Variants in NEGR1 observed in about 807,000 individuals in gnomAD.
NEGR1 encodes neuronal growth regulator 1.
A neutral mutation model predicts 40.9 loss-of-function variants in NEGR1; 10 were observed. The ratio of observed to expected loss-of-function variants is 0.24; its 90% CI spans 0.15 to 0.42. The LOEUF is 0.42. NEGR1 is among the 10% of genes least tolerant of loss of function. NEGR1 has a pLI of 1.00. For synonymous variants in NEGR1, 185 were observed against 166.8 expected, an observed-to-expected ratio of 1.11 and a Z score of -0.84; for missense variants, 352 against 438.9, an observed-to-expected ratio of 0.80 and a Z score of 1.77.
intron 2 of NEGR1, among the ~76,000 whole-genome samples, chr1:71,897,726 A>T (rs1191759353): frequency 1.3e-5 from 2 of 152,130 alleles, no homozygotes; most frequent in African/African-American, 4.8e-5. Flanking sequence ...ATAACAATTT[A>T]AGGGTTTTTT....
chr1:71,692,825 A>T (rs998540875), intron 4 of NEGR1, among the ~76,000 whole-genome samples: 1 of 151,848 alleles, frequency 6.6e-6, no homozygotes, highest in Admixed American at 6.6e-5. Context: ...TGGATAAAAA[A>T]CTTACTTCAC....
At chr1:71,835,291 G>T (rs984796473) in intron 2 of NEGR1, among the ~76,000 whole-genome samples, 1 of 152,062 alleles carries the variant, frequency 6.6e-6, no homozygotes, top group Non-Finnish European at 1.5e-5. Flanking sequence ...GCCAAGATTT[G>T]CAGAATGGGC....
chr1:72,126,060 G>A (rs1386427079), intron 1 of NEGR1, among the ~76,000 whole-genome samples: 3 of 149,500 alleles, frequency 2.0e-5, no homozygotes, highest in South Asian at 2.1e-4. Context: ...ACCATGTGAC[G>A]TGATTCCCTT....
intron 2 of NEGR1, among the ~76,000 whole-genome samples, chr1:71,922,516 G>C (rs1232412315): frequency 6.6e-6 from 1 of 152,128 alleles, no homozygotes; most frequent in Non-Finnish European, 1.5e-5. Context: ...CTTAACATTG[G>C]TATAAATTTG....
intron 4 of NEGR1, among the ~76,000 whole-genome samples, chr1:71,670,697 A>G (rs1232364293): frequency 6.6e-6 from 1 of 151,752 alleles, no homozygotes; most frequent in Admixed American, 6.6e-5. Context: ...CTTCACCAGT[A>G]TTTTCTTTCT....
chr1:71,742,766 G>T (rs1291790803), intron 3 of NEGR1, among the ~76,000 whole-genome samples: 2 of 152,274 alleles, frequency 1.3e-5, no homozygotes, highest in African/African-American at 4.8e-5. Flanking sequence ...AGACTTTAGT[G>T]TTGATGTTGG....
intron 6 of NEGR1, among the ~76,000 whole-genome samples, chr1:71,415,605 C>G (rs1273460055): frequency 1.3e-5 from 2 of 152,132 alleles, no homozygotes; most frequent in African/African-American, 4.8e-5. Flanking sequence ...AATAAGGAAG[C>G]AATCATCCAA....
At chr1:72,222,166 A>T (rs147490498) in intron 1 of NEGR1, among the ~76,000 whole-genome samples, 110 of 152,202 alleles carry the variant, frequency 7.2e-4, no homozygotes, top group African/African-American at 2.6e-3. Context: ...GTCAGCCCCT[A>T]TGGAAATAGG....
At chr1:71,993,022 AAG>A (rs1646469110) in intron 1 of NEGR1, among the ~76,000 whole-genome samples, 1 of 152,268 alleles carries the variant, frequency 6.6e-6, no homozygotes, top group African/African-American at 2.4e-5. Context: ...AACAAACGAA[AAG>A]AGAGCCATCA....
At position 72,207,156 on chromosome 1, in the gene NEGR1, A is replaced by T. The variant is rs567384473; in HGVS notation, c.176+75163T>A. 6.6e-5 allele frequency among the ~76,000 whole-genome samples: 10 copies of T among 151,894 alleles called. No homozygotes were observed. The South Asian group carries it at 2.1e-3, about 32-fold the overall frequency. ...AAAGATGTAAGTTTGTGAAAAAAGAAAAGTTAAAAAAAAACAAAAGTCAAT... is the reference window on the plus strand; with the variant it reads ...AAAGATGTAAGTTTGTGAAAAAAGATAAGTTAAAAAAAAACAAAAGTCAAT... On this transcript the variant is annotated intron_variant, in intron 1 of 6. Transcript: ENST00000357731.
intron 6 of NEGR1, among the ~76,000 whole-genome samples, chr1:71,409,447 A>G (rs901908577): frequency 1.2e-4 from 19 of 152,044 alleles, no homozygotes; most frequent in Non-Finnish European, 2.5e-4. Context: ...GTTATGAGAA[A>G]TTAAGTAGTA....
chr1:72,241,125 G>T lies in NEGR1; in HGVS notation c.176+41194C>A, dbSNP rs369889523. Reference sequence around the variant, plus strand: ...ACAAGTTTGTATTTTAATTTTTATCGCTAATGTCATTTTTCAATGGTATTT... The same window carrying T: ...ACAAGTTTGTATTTTAATTTTTATCTCTAATGTCATTTTTCAATGGTATTT... On this transcript the variant is annotated intron_variant, in intron 1 of 6. Coordinates refer to ENST00000357731, the MANE Select transcript of NEGR1 (RefSeq NM_173808.3). 4.6e-5 allele frequency among the ~76,000 whole-genome samples: 7 copies of T among 151,680 alleles called. No individual in the cohort carries two copies. In the East Asian group the frequency reaches 1.2e-3, roughly 25 times the overall value.
chr1:72,238,203 A>G (rs1312439733), intron 1 of NEGR1, among the ~76,000 whole-genome samples: 1 of 151,874 alleles, frequency 6.6e-6, no homozygotes, highest in Non-Finnish European at 1.5e-5. Flanking sequence ...TCCTTTATCA[A>G]ACAATAATGA....
chr1:71,591,375 T>C (rs1649493964), intron 6 of NEGR1, among the ~76,000 whole-genome samples: 1 of 152,178 alleles, frequency 6.6e-6, no homozygotes, highest in African/African-American at 2.4e-5. Flanking sequence ...TTCACATTCA[T>C]TAATGTTTCA....
At chr1:71,534,674 A>C (rs968037887) in intron 6 of NEGR1, among the ~76,000 whole-genome samples, 1 of 151,744 alleles carries the variant, frequency 6.6e-6, no homozygotes, top group African/African-American at 2.4e-5. Flanking sequence ...CGATGTGAGA[A>C]TTATTCCATT....
intron 1 of NEGR1, among the ~76,000 whole-genome samples, chr1:72,047,886 G>C (rs796554447): frequency 5.3e-5 from 8 of 151,602 alleles, no homozygotes; most frequent in East Asian, 1.9e-4. Context: ...GAAATATTCT[G>C]TATAGAAGCA....
rs552314692 is a variant in NEGR1 at position 71,605,457 on chromosome 1, C to T, written c.788+5569G>A. Among the ~76,000 whole-genome samples, 16 of 152,244 alleles carry T rather than the reference C, an allele frequency of 1.1e-4. No individual in the cohort carries two copies. In the South Asian group the frequency reaches 3.3e-3, roughly 32 times the overall value. The stretch of plus-strand genomic sequence containing the variant: ...TCTCATCTAAGACAAGACGGTAATA[C>T]CATCTTCACAAAGTAATACCAATCC... On this transcript the variant is annotated intron_variant, in intron 5 of 6. Transcript: ENST00000357731.
At chr1:71,763,339 G>A (rs980194411) in intron 3 of NEGR1, among the ~76,000 whole-genome samples, 2 of 151,992 alleles carry the variant, frequency 1.3e-5, no homozygotes, top group East Asian at 3.9e-4. Flanking sequence ...TTTGTCTTTG[G>A]TCTCAAGGGA....
chr1:71,547,715 A>C (rs1277686993), intron 6 of NEGR1, among the ~76,000 whole-genome samples: 2 of 151,720 alleles, frequency 1.3e-5, no homozygotes, highest in African/African-American at 4.8e-5. Flanking sequence ...AGGGGAGAGC[A>C]CTGCTTTGCC....
Sources: gnomAD v4.1 joint callset for allele counts (sites outside exome capture counted in the v4.1 genomes callset) on GRCh38, gnomAD v4.1.1 for gene constraint, MANE v1.5 for transcripts, NCBI Gene and HGNC (gene_info 2026-07-23, HGNC 2026-07-21) for gene names.